The following HS6ST3 variants were observed in gnomAD, a reference collection of about 807,000 sequenced individuals.
The protein encoded by HS6ST3 is heparan-sulfate 6-O-sulfotransferase 3.
HS6ST3 carries 12 observed loss-of-function variants against 36.7 expected under a neutral mutation model. The ratio of observed to expected loss-of-function variants is 0.33; its 90% CI spans 0.21 to 0.53. The LOEUF is 0.53. HS6ST3 is among the 20% of genes least tolerant of loss of function. The pLI, the probability that HS6ST3 is intolerant of heterozygous loss-of-function variation, is 0.95. For synonymous variants in HS6ST3, 240 were observed against 257.5 expected (o/e 0.93, Z 0.65); for missense variants, 584 against 640.9 (o/e 0.91, Z 0.96).
rs1443390491 is a variant in HS6ST3, at chr13:96,298,677, G to C, written c.707+207108G>C. ...GCAATTGCAAAATTTTTTTATTACT[G>C]AACTCCATTTCAGCTTTGTAGATAT... is the stretch of plus-strand genomic sequence containing the variant. On this transcript the variant is annotated intron_variant, in intron 1 of 1. Transcript: ENST00000376705. Among the ~76,000 whole-genome samples the C allele has an allele frequency of 2.0e-5, 3 of 152,084 alleles. No homozygotes were observed. In the East Asian group the frequency reaches 5.8e-4, roughly 29 times the overall value.
chr13:96,199,589 A>G (rs1430288900), intron 1 of HS6ST3, among the ~76,000 whole-genome samples: 1 of 152,130 alleles, frequency 6.6e-6, no homozygotes, highest in Non-Finnish European at 1.5e-5. Flanking sequence ...ATATCTATTG[A>G]TTTTTTGGGG....
intron 1 of HS6ST3, among the ~76,000 whole-genome samples, chr13:96,658,296 T>TTTTTC (rs1467303957): frequency 7.2e-4 from 63 of 87,430 alleles, no homozygotes; most frequent in African/African-American, 2.2e-3. Context: ...TTTTTTTTTT[T>TTTTTC]TTGAGATGGC....
rs570825911 is a variant in HS6ST3 at position 96,253,051 on chromosome 13, A to G, written c.707+161482A>G. On this transcript the variant is annotated intron_variant, in intron 1 of 1. Transcript: ENST00000376705. Reference sequence around the variant, plus strand: ...GAGCTCATGTGAATCGTGCTCAGAGACATGTGAGGTATTGCCCATTGGGAC... The same window carrying G: ...GAGCTCATGTGAATCGTGCTCAGAGGCATGTGAGGTATTGCCCATTGGGAC... 2.6e-5 allele frequency among the ~76,000 whole-genome samples: 4 copies of G among 152,228 alleles called. No homozygotes were observed. The South Asian group carries it at 8.3e-4, about 32-fold the overall frequency.
At chr13:96,179,346 C>T (rs762526250) in intron 1 of HS6ST3, among the ~76,000 whole-genome samples, 11 of 152,296 alleles carry the variant, frequency 7.2e-5, no homozygotes, top group East Asian at 1.9e-4. Flanking sequence ...AGTAACTAAA[C>T]GCTATCCTTT....
At chr13:96,761,023 G>T in intron 1 of HS6ST3, among the ~76,000 whole-genome samples, 1 of 151,788 alleles carries the variant, frequency 6.6e-6, no homozygotes, top group Admixed American at 6.6e-5. Flanking sequence ...AAAGACTAAT[G>T]TTAATCTTCT....
chr13:96,601,819 G>A (rs2056422688), intron 1 of HS6ST3, among the ~76,000 whole-genome samples: 1 of 152,152 alleles, frequency 6.6e-6, no homozygotes, highest in South Asian at 2.1e-4. Flanking sequence ...ACTTTAGTAT[G>A]TATAGTTTAT....
In HS6ST3 at chr13:96,401,044, G is replaced by GATTATTCAATGTATTTTAATGT. The variant is rs1267386283; in HGVS notation, c.707+309487_707+309488insATTTTAATGTATTATTCAATGT. 3.9e-5 allele frequency among the ~76,000 whole-genome samples: 6 copies of GATTATTCAATGTATTTTAATGT among 152,218 alleles called. No individual in the cohort carries two copies. In the East Asian group the frequency reaches 1.2e-3, roughly 29 times the overall value. ...AACTATCACTAATTTAAAATACGTT[G>GATTATTCAATGTATTTTAATGT]ATTATTCAATGTTTATTTTCAGCTG... On this transcript the variant is annotated intron_variant, in intron 1 of 1. Transcript: ENST00000376705.
chr13:96,366,643 T>A (rs2055264617), intron 1 of HS6ST3, among the ~76,000 whole-genome samples: 1 of 151,844 alleles, frequency 6.6e-6, no homozygotes, highest in Admixed American at 6.6e-5. Context: ...CCCAGACCAA[T>A]AACATCAGAA....
intron 1 of HS6ST3, among the ~76,000 whole-genome samples, chr13:96,457,158 G>C (rs2055758101): frequency 6.6e-6 from 1 of 152,078 alleles, no homozygotes; most frequent in African/African-American, 2.4e-5. Flanking sequence ...TTACTCTGAA[G>C]TATATTTCAG....
At chr13:96,242,595 A>G (rs1225919108) in intron 1 of HS6ST3, among the ~76,000 whole-genome samples, 1 of 151,368 alleles carries the variant, frequency 6.6e-6, no homozygotes, top group African/African-American at 2.4e-5. Flanking sequence ...TTCGCTTAGC[A>G]TAATATCTTC....
chr13:96,431,225 AAACAAC>A (rs71213616), intron 1 of HS6ST3, among the ~76,000 whole-genome samples: 51,254 of 150,278 alleles, frequency 0.34, 8,814 homozygotes, highest in South Asian at 0.44. Context: ...ACAAACAAAC[AAACAAC>A]AACAACAACA....
chr13:96,141,745 T>G (rs908491198), intron 1 of HS6ST3, among the ~76,000 whole-genome samples: 17 of 152,132 alleles, frequency 1.1e-4, no homozygotes, highest in Admixed American at 1.1e-3. Context: ...GTGTCTCTAA[T>G]TCAGCCTTTA....
rs1012723763 is a variant in HS6ST3, at chr13:96,569,805, G to A, written c.708-262685G>A. Reference sequence around the variant, plus strand: ...GCAGAAAAATGTAAACCCTGCTCAGGGTCACTCAGCAAGTTTGGAGCATTT... The same window carrying A: ...GCAGAAAAATGTAAACCCTGCTCAGAGTCACTCAGCAAGTTTGGAGCATTT... On this transcript the variant is annotated intron_variant, in intron 1 of 1. Transcript: ENST00000376705. 2.0e-5 allele frequency among the ~76,000 whole-genome samples: 3 copies of A among 152,070 alleles called. No homozygotes were observed. In the South Asian group the frequency reaches 6.2e-4, roughly 31 times the overall value.
chr13:96,379,045 C>T (rs1263855417), intron 1 of HS6ST3, among the ~76,000 whole-genome samples: 1 of 152,126 alleles, frequency 6.6e-6, no homozygotes, highest in Non-Finnish European at 1.5e-5. Flanking sequence ...ATCGAGCCTC[C>T]TAAATGTTTT....
At chr13:96,120,661 A>G (rs553152375) in intron 1 of HS6ST3, among the ~76,000 whole-genome samples, 2 of 152,270 alleles carry the variant, frequency 1.3e-5, no homozygotes, top group South Asian at 2.1e-4. Flanking sequence ...TTTGAAGAAC[A>G]ATGTATTTTA....
intron 1 of HS6ST3, among the ~76,000 whole-genome samples, chr13:96,689,606 C>CTTTTTTTTTTTTTTTTTTT (rs34000071): frequency 3.8e-4 from 38 of 101,184 alleles, no homozygotes; most frequent in African/African-American, 5.9e-4. Context: ...TTCTTTCTTT[C>CTTTTTTTTTTTTTTTTTTT]TTTTTTTTTT....
At chr13:96,764,565 T>TG (rs1877048960) in intron 1 of HS6ST3, among the ~76,000 whole-genome samples, 1 of 152,248 alleles carries the variant, frequency 6.6e-6, no homozygotes, top group South Asian at 2.1e-4. Flanking sequence ...AGAAGGTAGA[T>TG]GGGCAGGATG....
intron 1 of HS6ST3, among the ~76,000 whole-genome samples, chr13:96,491,211 A>T (rs900705525): frequency 6.6e-6 from 1 of 152,038 alleles, no homozygotes; most frequent in African/African-American, 2.4e-5. Context: ...TGCTAACCAA[A>T]CACATTTTGA....
intron 1 of HS6ST3, among the ~76,000 whole-genome samples, chr13:96,526,544 T>C (rs897091839): frequency 6.6e-6 from 1 of 152,106 alleles, no homozygotes; most frequent in Admixed American, 6.5e-5. Flanking sequence ...CAACTCACCT[T>C]TTTTTCCCTA....
Sources: gnomAD v4.1 joint callset for allele counts (sites outside exome capture counted in the v4.1 genomes callset) on GRCh38, gnomAD v4.1.1 for gene constraint, MANE v1.5 for transcripts, NCBI Gene and HGNC (gene_info 2026-07-23, HGNC 2026-07-21) for gene names.